The following ITGAV variants were observed in gnomAD, a reference collection of about 807,000 sequenced individuals.
ITGAV encodes integrin subunit alpha V.
Under a neutral mutation model 143.8 loss-of-function variants are expected in ITGAV, and 76 were observed. That is an observed-to-expected ratio of 0.53 (90% CI 0.44 to 0.64). The LOEUF (loss-of-function observed/expected upper bound fraction) is 0.64. Among genes scored for constraint, ITGAV ranks in the 30% least tolerant of loss-of-function variants. The probability of loss-of-function intolerance (pLI) is 0.00; values close to 1 mark genes in which losing one functional copy is unlikely to be tolerated. For missense variants in ITGAV, 1,193 were observed against 1,274.7 expected (o/e 0.94, Z 0.98); for synonymous variants, 453 against 446.7 (o/e 1.01, Z -0.18).
At chr2:186,630,989 G>A (rs914645526) in intron 5 of ITGAV, 131 bp downstream of exon 5, 6 of 536,262 alleles carry the variant, frequency 1.1e-5, no homozygotes, top group African/African-American at 5.6e-5. Flanking sequence ...TTAATAAAAC[G>A]ATCCATTCAT....
At chr2:186,648,019 T>C (rs190925079) in intron 13 of ITGAV, among the ~76,000 whole-genome samples, 1 of 152,220 alleles carries the variant, frequency 6.6e-6, no homozygotes, top group Non-Finnish European at 1.5e-5. Context: ...CACATTTTTT[T>C]AAAAAGGAAA....
In ITGAV at chr2:186,633,392, A is replaced by G. The variant is rs1306713179; in HGVS notation, c.631+18A>G. On this transcript the variant is annotated intron_variant, in intron 6 of 29. Transcript: ENST00000261023. ...TTGGCAAGGTAGGTTAATATTTTTT[A>G]AATTACAATTGGTGACTATGTGTCG... 6.7e-7 allele frequency: 1 copy of G among 1,500,316 alleles called. No homozygotes were observed. Among genetic ancestry groups the G allele is most frequent in the Non-Finnish European group, 9.2e-7 (1 of 1,085,456 alleles). The allele number at this position is 1,500,316 out of a possible 1,614,324, so 92.9% of individuals were successfully genotyped here.
intron 13 of ITGAV, among the ~76,000 whole-genome samples, chr2:186,647,169 G>A (rs61762238): frequency 7.1e-4 from 107 of 151,476 alleles, no homozygotes; most frequent in African/African-American, 2.5e-3. Flanking sequence ...ATTCTAAGCT[G>A]TTTTAATGTT....
chr2:186,660,652 A>T, intron 18 of ITGAV: 1 of 152,152 alleles, frequency 6.6e-6, no homozygotes, highest in Admixed American at 6.5e-5. Context: ...GGTTAGCAAC[A>T]TTTTTTTAAA....
At chr2:186,622,477 G>T (rs201344506) in intron 3 of ITGAV, 47 bp downstream of exon 3, 2 of 1,214,452 alleles carry the variant, frequency 1.6e-6, no homozygotes, top group Non-Finnish European at 1.2e-6. Context: ...GTCAGTTTAT[G>T]TGGAGACACA....
chr2:186,590,386 C>T lies in ITGAV; in HGVS notation c.48C>T (p.Leu16=), dbSNP rs1339218470. The part of the protein sequence containing the change: ...RRRLRLGPRG[L]PLLLSGLLLP... ...GGCTGCGCCTCGGTCCCCGCGGCCTCCCGCTTCTTCTCTCGGGACTCCTGC... is the reference window on the plus strand; with the variant it reads ...GGCTGCGCCTCGGTCCCCGCGGCCTTCCGCTTCTTCTCTCGGGACTCCTGC... The change falls in exon 1 of 30, where the codon CTC becomes CTT. Residue 16 remains leucine (L), a synonymous_variant. Transcript: ENST00000261023. The T allele has an allele frequency of 6.3e-7, 1 of 1,599,860 alleles. No homozygotes were observed. The highest frequency in any genetic ancestry group is 1.7e-5 in the Admixed American group (1 of 58,792).
chr2:186,592,018 A>G (rs1686627964), intron 1 of ITGAV, among the ~76,000 whole-genome samples: 2 of 152,230 alleles, frequency 1.3e-5, no homozygotes, highest in African/African-American at 4.8e-5. Flanking sequence ...GTTTCCAGAT[A>G]CTTTCAAGTG....
At chr2:186,614,786 A>G (rs1353261224) in intron 2 of ITGAV, among the ~76,000 whole-genome samples, 2 of 151,906 alleles carry the variant, frequency 1.3e-5, no homozygotes, top group Non-Finnish European at 2.9e-5. Context: ...TTTTTTATAT[A>G]TATATACATT....
intron 2 of ITGAV, among the ~76,000 whole-genome samples, chr2:186,608,012 G>A (rs1421457334): frequency 6.6e-6 from 1 of 152,092 alleles, no homozygotes; most frequent in Admixed American, 6.5e-5. Flanking sequence ...TATCATTTCT[G>A]GGGGGCAAGA....
At position 186,675,782 on chromosome 2, in the gene ITGAV, G is replaced by C. The variant is rs760124583; in HGVS notation, c.2821-38G>C. The C allele has an allele frequency of 1.9e-6, 3 of 1,544,776 alleles. No individual in the cohort carries two copies. In the Admixed American group the frequency reaches 5.1e-5, roughly 26 times the overall value. ...GTTTTCAAATAAATATAAAAGGCCT[G>C]ATATCTGGGAAATCATCTAATTGTT... On this transcript the variant is annotated intron_variant, in intron 27 of 29. Transcript: ENST00000261023.
At chr2:186,666,345 A>G (rs1574500785) in intron 21 of ITGAV, among the ~76,000 whole-genome samples, 1 of 152,168 alleles carries the variant, frequency 6.6e-6, no homozygotes. Context: ...TTCCTGGCCT[A>G]TGAACACAGC....
intron 10 of ITGAV, among the ~76,000 whole-genome samples, 160 bp from the exon 11 acceptor site, chr2:186,640,755 T>A (rs1688079101): frequency 6.6e-6 from 1 of 152,202 alleles, no homozygotes; most frequent in Non-Finnish European, 1.5e-5. Flanking sequence ...ATTACCTGAT[T>A]GTCATTGTGT....
At chr2:186,653,027 G>T (rs1309467613) in intron 15 of ITGAV, among the ~76,000 whole-genome samples, 2 of 141,790 alleles carry the variant, frequency 1.4e-5, no homozygotes, top group Non-Finnish European at 3.0e-5. Context: ...CTCACTGCAA[G>T]CTCCGCTTCC....
At chr2:186,625,217 T>G (rs1047605901) in intron 3 of ITGAV, among the ~76,000 whole-genome samples, 1 of 151,840 alleles carries the variant, frequency 6.6e-6, no homozygotes, top group East Asian at 1.9e-4. Context: ...TATAAAAAAA[T>G]TTTTAAAAAT....
chr2:186,635,963 C>G (rs575317661), intron 6 of ITGAV, 119 bp from the exon 7 acceptor site: 110 of 741,648 alleles, frequency 1.5e-4, no homozygotes, highest in Non-Finnish European at 2.2e-4. Flanking sequence ...TTATGTACGG[C>G]TAATAATTAG....
At chr2:186,597,920 G>T (rs1283198211) in intron 1 of ITGAV, among the ~76,000 whole-genome samples, 2 of 152,198 alleles carry the variant, frequency 1.3e-5, no homozygotes, top group African/African-American at 4.8e-5. Flanking sequence ...GGAAGGAAAG[G>T]TTGGGGACCA....
Position 186,667,677 on chromosome 2 carries a change from G to A in ITGAV, c.2334G>A (p.Ser778=), listed in dbSNP as rs769497499. ...VLAAVEIRGV[S]SPDHVFLPIP... ...TTCTTTGGTCATTGTTTAGAGTCTCGAGTCCTGATCATGTCTTTCTTCCGA... is the reference window on the plus strand; with the variant it reads ...TTCTTTGGTCATTGTTTAGAGTCTCAAGTCCTGATCATGTCTTTCTTCCGA... Residue 778 remains serine, a synonymous_variant, in exon 24 of 30, where the codon TCG becomes TCA. Coordinates refer to ENST00000261023, the MANE Select transcript of ITGAV (RefSeq NM_002210.5). The A allele has an allele frequency of 7.6e-6, 12 of 1,589,116 alleles. No homozygotes were observed. In the East Asian group the frequency reaches 1.3e-4, roughly 18 times the overall value.
chr2:186,668,919 A>G lies in ITGAV; in HGVS notation c.2591A>G (p.Lys864Arg), dbSNP rs1688987607. Residue 864 changes from lysine to arginine, a missense_variant and splice_region_variant, in exon 25 of 30, where the codon AAG becomes AGG. By Grantham distance (26) the Lys-to-Arg change is conservative. Transcript: ENST00000261023. ...ATGGAGATCAACCCTTTGAGAATTA[A>G]GGTAATATGCTTAATAGCAGCTCTT... ...SDMEINPLRI[K>R]ISSLQTTEKN... 1 of 1,605,416 alleles carries G rather than the reference A, an allele frequency of 6.2e-7. No homozygotes were observed. Among genetic ancestry groups the G allele is most frequent in the Non-Finnish European group, 8.5e-7 (1 of 1,175,688 alleles).
chr2:186,602,395 A>G (rs373019181), intron 2 of ITGAV, among the ~76,000 whole-genome samples: 2 of 152,196 alleles, frequency 1.3e-5, no homozygotes, highest in East Asian at 3.8e-4. Context: ...TAAACTGATA[A>G]TATCAACCCA....
Sources: gnomAD v4.1 joint callset for allele counts (sites outside exome capture counted in the v4.1 genomes callset) on GRCh38, gnomAD v4.1.1 for gene constraint, MANE v1.5 for transcripts, NCBI Gene and HGNC (gene_info 2026-07-23, HGNC 2026-07-21) for gene names.